The following EPB41L1 variants were observed in gnomAD, a reference collection of about 807,000 sequenced individuals.
EPB41L1 encodes the protein erythrocyte membrane protein band 4.1 like 1.
A neutral mutation model predicts 97.8 loss-of-function variants in EPB41L1; 29 were observed. The ratio of observed to expected loss-of-function variants is 0.30; its 90% CI spans 0.22 to 0.40. The LOEUF (loss-of-function observed/expected upper bound fraction) is 0.40. Ranked by LOEUF, EPB41L1 falls within the 10% of genes least tolerant of loss-of-function variation. The pLI is 1.00. For missense variants in EPB41L1, 812 were observed against 1,162.3 expected, an observed-to-expected ratio of 0.70 and a Z score of 4.38; for synonymous variants, 383 against 459.2, an observed-to-expected ratio of 0.83 and a Z score of 2.12.
At chr20:36,136,182 G>GT (rs929966599) in intron 2 of EPB41L1, among the ~76,000 whole-genome samples, 2 of 151,858 alleles carry the variant, frequency 1.3e-5, no homozygotes, top group Non-Finnish European at 2.9e-5. Flanking sequence ...CTGACCACTT[G>GT]TTTTTTGAGG....
At chr20:36,187,589 A>T in intron 7 of EPB41L1, 87 bp from the exon 8 acceptor site, 1 of 1,053,068 alleles carries the variant, frequency 9.5e-7, no homozygotes, top group Non-Finnish European at 1.5e-6. Context: ...TTCTAGAATC[A>T]TGGGTTCTGA....
intron 19 of EPB41L1, among the ~76,000 whole-genome samples, chr20:36,221,170 C>T (rs1340157082): frequency 6.6e-6 from 1 of 152,212 alleles, no homozygotes; most frequent in Non-Finnish European, 1.5e-5. Flanking sequence ...GCTGGGATTC[C>T]CCACAGACAC....
At position 36,188,581 on chromosome 20, in the gene EPB41L1, AACACACACAC is replaced by A. The variant is rs55990020; in HGVS notation, c.1026+134_1026+143del. Reference sequence around the variant, plus strand: ...CCCTGGCAGCTGGGCCTGGACTGCCAACACACACACACACACACACACACACACACACACA... The same window carrying A: ...CCCTGGCAGCTGGGCCTGGACTGCCAACACACACACACACACACACACACA... On this transcript the variant is annotated intron_variant, in intron 9 of 21. Transcript: ENST00000338074. 4.3e-3 allele frequency: 2,000 copies of A among 466,740 alleles called. 32 individuals carry two copies. Among genetic ancestry groups the A allele is most frequent in the African/African-American group, 8.6e-3 (238 of 27,598 alleles). 28.9% of individuals were successfully genotyped at this position (466,740 alleles called of 1,614,324 possible). A position where few individuals can be genotyped will look rare whatever the true frequency, so the allele number is the denominator to read the frequency against.
chr20:36,132,512 G>A (rs148125593), intron 2 of EPB41L1, among the ~76,000 whole-genome samples: 2 of 140,242 alleles, frequency 1.4e-5, no homozygotes, highest in East Asian at 2.3e-4. Context: ...CTTTTGCCAC[G>A]TGAGGTAACA....
chr20:36,100,088 G>A (rs950729939), intron 1 of EPB41L1, among the ~76,000 whole-genome samples: 1 of 152,202 alleles, frequency 6.6e-6, no homozygotes, highest in Non-Finnish European at 1.5e-5. Context: ...CAGTGTCCCT[G>A]TTGACAGCCA....
At chr20:36,217,090 T>G (rs2063491518) in intron 17 of EPB41L1, among the ~76,000 whole-genome samples, 1 of 152,142 alleles carries the variant, frequency 6.6e-6, no homozygotes, top group South Asian at 2.1e-4. Context: ...GTTGGAGAAC[T>G]GCTGATGTAA....
At chr20:36,138,155 A>C (rs2059490841) in intron 2 of EPB41L1, among the ~76,000 whole-genome samples, 1 of 152,220 alleles carries the variant, frequency 6.6e-6, no homozygotes. Context: ...TGGCTATGTG[A>C]ATAATGCTGC....
At position 36,190,170 on chromosome 20, in the gene EPB41L1, T is replaced by A; in HGVS notation, c.1027-107T>A. ...CACCCTGGGCAAATGATCGAGACCC[T>A]GTGTCTCAAAAAAACATTAAACAAA... On this transcript the variant is annotated intron_variant, in intron 9 of 21. Coordinates refer to ENST00000338074, the MANE Select transcript of EPB41L1 (RefSeq NM_012156.2). This position sits in a 1 kb window ranked among gnomAD's most constrained non-coding sequence, Gnocchi z 5.8. The A allele has an allele frequency of 1.1e-6, 1 of 907,714 alleles. No homozygotes were observed. The highest frequency in any genetic ancestry group is 1.8e-6 in the Non-Finnish European group (1 of 563,460). The allele number at this position is 907,714 out of a possible 1,614,324, so 56.2% of individuals were successfully genotyped here.
chr20:36,130,240 CA>C (rs146658399), intron 2 of EPB41L1, among the ~76,000 whole-genome samples: 1,935 of 130,094 alleles, frequency 0.015, 53 homozygotes, highest in African/African-American at 0.066. Context: ...CCTTGCCCAG[CA>C]GTGTTTTTTT....
intron 2 of EPB41L1, among the ~76,000 whole-genome samples, chr20:36,116,865 A>G (rs1407948211): frequency 6.6e-6 from 1 of 152,232 alleles, no homozygotes; most frequent in Non-Finnish European, 1.5e-5. Context: ...TTGGGGGAAG[A>G]GTATGATGTA....
chr20:36,099,773 A>G (rs2057951202), intron 1 of EPB41L1, among the ~76,000 whole-genome samples: 1 of 152,170 alleles, frequency 6.6e-6, no homozygotes, highest in African/African-American at 2.4e-5. Context: ...GGAACACCTT[A>G]TCTGTGGCTC....
intron 14 of EPB41L1, among the ~76,000 whole-genome samples, chr20:36,199,849 A>G (rs1245277960): frequency 2.0e-5 from 3 of 152,030 alleles, no homozygotes; most frequent in African/African-American, 7.2e-5. Context: ...GAAGGGGAGG[A>G]TGAGCCCTGG....
At chr20:36,094,503 T>C (rs1385357853) in intron 1 of EPB41L1, among the ~76,000 whole-genome samples, 2 of 152,148 alleles carry the variant, frequency 1.3e-5, no homozygotes, top group African/African-American at 4.8e-5. Context: ...GATATCCAAG[T>C]GCAAGAATTC....
intron 1 of EPB41L1, among the ~76,000 whole-genome samples, chr20:36,166,840 G>A (rs764293453): frequency 4.6e-5 from 7 of 152,052 alleles, no homozygotes; most frequent in Non-Finnish European, 8.8e-5. Flanking sequence ...ACTCCAGTCT[G>A]GGCAACAGAA....
upstream of EPB41L1, among the ~76,000 whole-genome samples, chr20:36,150,079 T>TG (rs1414511112): frequency 6.6e-6 from 1 of 152,040 alleles, no homozygotes; most frequent in Non-Finnish European, 1.5e-5. Context: ...TGTTTTTTTT[T>TG]TTTTTGAGAC....
intron 6 of EPB41L1, among the ~76,000 whole-genome samples, chr20:36,184,267 T>C (rs1019925905): frequency 2.6e-5 from 4 of 151,892 alleles, no homozygotes; most frequent in African/African-American, 9.7e-5. Context: ...AAATAGGCAG[T>C]TGAAAAAAAA....
chr20:36,154,606 C>G (rs1197924847), upstream of EPB41L1: 2 of 849,886 alleles, frequency 2.4e-6, no homozygotes, highest in African/African-American at 3.7e-5. The surrounding 1 kb of genome is among the most constrained non-coding windows in gnomAD (Gnocchi z 5.5). Flanking sequence ...CAAGCGGCGG[C>G]CGCCCCTGGG....
At chr20:36,119,953 G>A (rs1195636139) in intron 2 of EPB41L1, among the ~76,000 whole-genome samples, 2 of 152,124 alleles carry the variant, frequency 1.3e-5, no homozygotes, top group East Asian at 3.9e-4. Context: ...GCCTGATAGA[G>A]GTGAACTTGA....
intron 9 of EPB41L1, among the ~76,000 whole-genome samples, chr20:36,189,124 G>C (rs550200293): frequency 6.6e-6 from 1 of 151,924 alleles, no homozygotes; most frequent in Non-Finnish European, 1.5e-5. Context: ...AGCCCATTTG[G>C]TTGTACCTGT....
Sources: allele counts gnomAD v4.1 joint callset (sites outside exome capture counted in the v4.1 genomes callset), GRCh38; gene constraint gnomAD v4.1.1; non-coding constraint Gnocchi (gnomAD v3.1); transcripts MANE v1.5; gene names NCBI Gene and HGNC (gene_info 2026-07-23, HGNC 2026-07-21).